TAS2R1: variants seen among roughly 807,000 people sequenced by gnomAD.
TAS2R1 encodes the protein taste 2 receptor member 1.
For synonymous variants in TAS2R1, 141 were observed against 134.2 expected (o/e 1.05, Z -0.35); for missense variants, 370 against 353.4 (o/e 1.05, Z -0.38).
intron 1 of TAS2R1, among the ~76,000 whole-genome samples, chr5:9,710,706 C>T (rs1741714527): frequency 6.6e-6 from 1 of 151,510 alleles, no homozygotes; most frequent in Non-Finnish European, 1.5e-5. Context: ...CCACAAATGA[C>T]CTGATTAAAA....
chr5:9,710,268 T>C, intron 1 of TAS2R1, among the ~76,000 whole-genome samples: 1 of 151,236 alleles, frequency 6.6e-6, no homozygotes. Context: ...AAGAGTATGC[T>C]CTCCAACTTA....
chr5:9,845,994 A>G, the TAS2R1 span, among the ~76,000 whole-genome samples: 21 of 152,358 alleles, frequency 1.4e-4, no homozygotes, highest in African/African-American at 4.8e-4. Context: ...TTCATATATT[A>G]GCATGAGCTT....
intron 2 of TAS2R1, among the ~76,000 whole-genome samples, chr5:9,654,465 C>T (rs560494224): frequency 1.3e-5 from 2 of 151,910 alleles, no homozygotes; most frequent in South Asian, 4.1e-4. Context: ...AGTCAGCAAT[C>T]TTTTGGAACA....
chr5:9,655,246 A>C lies in TAS2R1; in HGVS notation c.-81+4175T>G, dbSNP rs1033596980. ...GATTGTAATCATGGTTACATGAGGC[A>C]TGTATTTTCCAAAACTTGTCAGTAC... On this transcript the variant is annotated intron_variant, in intron 2 of 2. Coordinates refer to the TAS2R1 transcript ENST00000506620. Among the ~76,000 whole-genome samples, 8 of 152,326 alleles carry C rather than the reference A, an allele frequency of 5.3e-5. No homozygotes were observed. In the East Asian group the frequency reaches 1.5e-3, roughly 29 times the overall value.
At chr5:9,685,155 G>A (rs953839593) in intron 1 of TAS2R1, among the ~76,000 whole-genome samples, 1 of 152,204 alleles carries the variant, frequency 6.6e-6, no homozygotes, top group African/African-American at 2.4e-5. Flanking sequence ...TCAAGGGAAA[G>A]TCAAAGGGAG....
At chr5:9,743,265 G>C in the TAS2R1 span, among the ~76,000 whole-genome samples, 1 of 151,984 alleles carries the variant, frequency 6.6e-6, no homozygotes. Context: ...TAATGAAATA[G>C]GGAGATTTCT....
chr5:9,710,451 T>C (rs1016998356), intron 1 of TAS2R1, among the ~76,000 whole-genome samples: 3 of 152,224 alleles, frequency 2.0e-5, no homozygotes, highest in Admixed American at 2.0e-4. Context: ...TTTAGTTATG[T>C]CTGAGACATA....
chr5:9,805,411 C>T, the TAS2R1 span, among the ~76,000 whole-genome samples: 5 of 151,988 alleles, frequency 3.3e-5, no homozygotes, highest in Admixed American at 2.6e-4. Flanking sequence ...CAGTATCACC[C>T]TAATACCAAA....
intron 1 of TAS2R1, among the ~76,000 whole-genome samples, chr5:9,709,497 G>A (rs913638904): frequency 6.6e-6 from 1 of 152,156 alleles, no homozygotes; most frequent in Admixed American, 6.5e-5. Context: ...ATACCCTTAT[G>A]AAGTCCCCTC....
the TAS2R1 span, among the ~76,000 whole-genome samples, chr5:9,844,154 G>C: frequency 1.3e-5 from 2 of 152,216 alleles, no homozygotes; most frequent in African/African-American, 4.8e-5. Context: ...CAAGGAAAGG[G>C]AAGTATGAAG....
At position 9,649,013 on chromosome 5, in the gene TAS2R1, C is replaced by T. The variant is rs185746409; in HGVS notation, c.-81+10408G>A. On this transcript the variant is annotated intron_variant, in intron 2 of 2. Transcript: ENST00000506620. ...ACAATTGCTAATTGTTGAAAGAGAA[C>T]TAGAAACACTTGCTTAATTCCGAGG... Among the ~76,000 whole-genome samples the T allele has an allele frequency of 1.1e-4, 16 of 152,276 alleles. 1 individual carries two copies. The highest frequency in any genetic ancestry group is 1.9e-4 in the Non-Finnish European group (13 of 68,004).
the TAS2R1 span, among the ~76,000 whole-genome samples, chr5:9,887,553 C>T: frequency 6.6e-6 from 1 of 152,170 alleles, no homozygotes; most frequent in South Asian, 2.1e-4. Context: ...GAGGCTCCTC[C>T]ACCACCTATG....
the TAS2R1 span, among the ~76,000 whole-genome samples, chr5:9,755,296 G>C: frequency 5.8e-4 from 88 of 152,106 alleles, no homozygotes; most frequent in Non-Finnish European, 1.1e-3. Context: ...AGAAAGTAAA[G>C]AAAGAAATAG....
chr5:9,693,524 CAAAAAAA>C lies in TAS2R1; in HGVS notation c.-242+18641_-242+18647del, dbSNP rs35262775. Among the ~76,000 whole-genome samples, 328 of 33,032 alleles carry C rather than the reference CAAAAAAA, an allele frequency of 9.9e-3. 1 individual carries two copies. Among genetic ancestry groups the C allele is most frequent in the East Asian group, 0.04 (38 of 950 alleles). The allele number at this position is 33,032 out of a possible 152,430, so 21.7% of individuals were successfully genotyped here. ...GGGCAATAAGAGCAAAACTCCATCTCAAAAAAAAAAAAAAAAAAAAAAAAGAGAGAGA... is the reference window on the plus strand; with the variant it reads ...GGGCAATAAGAGCAAAACTCCATCTCAAAAAAAAAAAAAAAAAGAGAGAGA... On this transcript the variant is annotated intron_variant, in intron 1 of 2. Transcript: ENST00000506620.
the TAS2R1 span, among the ~76,000 whole-genome samples, chr5:9,886,222 G>C: frequency 6.6e-6 from 1 of 151,986 alleles, no homozygotes; most frequent in Non-Finnish European, 1.5e-5. Flanking sequence ...AGTAGAGACG[G>C]GGTTTCACCG....
the TAS2R1 span, among the ~76,000 whole-genome samples, chr5:9,792,216 G>C: frequency 6.6e-6 from 1 of 152,116 alleles, no homozygotes; most frequent in Non-Finnish European, 1.5e-5. Context: ...TTTCAAATAG[G>C]TGTTCATATC....
the TAS2R1 span, chr5:9,883,237 G>A: frequency 1.3e-5 from 2 of 152,184 alleles, no homozygotes; most frequent in Admixed American, 6.5e-5. Context: ...GGTACAGGGG[G>A]AGGGAGAGCA....
the TAS2R1 span, among the ~76,000 whole-genome samples, chr5:9,755,032 T>C: frequency 6.6e-6 from 1 of 152,130 alleles, no homozygotes; most frequent in Non-Finnish European, 1.5e-5. Flanking sequence ...CCATTTCAGG[T>C]TTTAAAAATT....
the TAS2R1 span, among the ~76,000 whole-genome samples, chr5:9,737,475 G>A: frequency 1.3e-5 from 2 of 152,164 alleles, no homozygotes; most frequent in African/African-American, 2.4e-5. Context: ...TGCTTTGACA[G>A]CACCCAGCAT....
Sources: gnomAD v4.1 joint callset for allele counts (sites outside exome capture counted in the v4.1 genomes callset) on GRCh38, gnomAD v4.1.1 for gene constraint, MANE v1.5 for transcripts, NCBI Gene and HGNC (gene_info 2026-07-23, HGNC 2026-07-21) for gene names.